The following RFTN1 variants were observed in gnomAD, a reference collection of about 807,000 sequenced individuals.
The protein encoded by RFTN1 is raftlin.
A neutral mutation model predicts 46.5 loss-of-function variants in RFTN1; 26 were observed. The observed-to-expected ratio is 0.56, with a 90% CI of 0.41 to 0.78. The LOEUF is 0.78. RFTN1 is among the 30% of genes least tolerant of loss of function. The pLI is 0.00. For synonymous variants in RFTN1, 261 were observed against 284.2 expected, an observed-to-expected ratio of 0.92 and a Z score of 0.82; for missense variants, 693 against 718.7, an observed-to-expected ratio of 0.96 and a Z score of 0.41.
chr3:16,333,231 C>T (rs1437086269), intron 7 of RFTN1, among the ~76,000 whole-genome samples: 1 of 152,194 alleles, frequency 6.6e-6, no homozygotes, highest in Non-Finnish European at 1.5e-5. Flanking sequence ...AAAAATGTGG[C>T]ACTATGTGTA....
At position 16,510,335 on chromosome 3, in the gene RFTN1, G is replaced by A. The variant is rs188566983; in HGVS notation, c.-9+3107C>T. Among the ~76,000 whole-genome samples the A allele has an allele frequency of 6.8e-3, 1,035 of 152,342 alleles. 11 individuals carry two copies. The highest frequency in any genetic ancestry group is 0.011 in the Non-Finnish European group (733 of 68,030). On this transcript the variant is annotated intron_variant, in intron 1 of 9. Transcript: ENST00000334133. ...CCGGGAGTTTCTAGGCAGAAGCTTA[G>A]TAAAATTCTGTGGGGCTTGGGGTTA...
Position 16,473,402 on chromosome 3 carries a change from C to CTTT in RFTN1, c.145+20320_145+20322dup, listed in dbSNP as rs5846924. Among the ~76,000 whole-genome samples, 6 of 144,784 alleles carry CTTT rather than the reference C, an allele frequency of 4.1e-5. No homozygotes were observed. Among genetic ancestry groups the CTTT allele is most frequent in the Admixed American group, 3.5e-4 (5 of 14,486 alleles). The allele number at this position is 144,784 out of a possible 152,430, so 95.0% of individuals were successfully genotyped here. A position where few individuals can be genotyped will look rare whatever the true frequency, so the allele number is the denominator to read the frequency against. On this transcript the variant is annotated intron_variant, in intron 2 of 9. Coordinates refer to ENST00000334133, the MANE Select transcript of RFTN1 (RefSeq NM_015150.2). The surrounding 1 kb of genome is among the most constrained non-coding windows in gnomAD (Gnocchi z 5.3). ...AAATACTCTGTTTTCTTTCTTTTTT[C>CTTT]TTTTTTTTTTTTTCCTGAGATAGAG... is the stretch of plus-strand genomic sequence containing the variant.
rs1219807821 is a variant in RFTN1 at position 16,321,171 on chromosome 3, G to T, written c.1332+2205C>A. 6.6e-6 allele frequency among the ~76,000 whole-genome samples: 1 copy of T among 152,186 alleles called. No homozygotes were observed. Among genetic ancestry groups the T allele is most frequent in the Non-Finnish European group, 1.5e-5 (1 of 68,030 alleles). ...GTTGGCCAGGTGGGCGAGGTATGGG[G>T]AGGGGGACAGTCATAGGTTTCCTCG... On this transcript the variant is annotated intron_variant, in intron 9 of 9. Transcript: ENST00000334133. The surrounding 1 kb of genome is among the most constrained non-coding windows in gnomAD (Gnocchi z 4.8).
chr3:16,370,262 G>C lies in RFTN1; in HGVS notation c.844C>G (p.Leu282Val), dbSNP rs757958387. The C allele has an allele frequency of 1.1e-5, 17 of 1,614,182 alleles. No individual in the cohort carries two copies. In the South Asian group the frequency reaches 1.9e-4, roughly 18 times the overall value. ...TGATGGCTCTTCGGTTTGTTGAAAA[G>C]GGTGAAGATCTCCATTTCTGTTGGG... ...PLSGKMEIFTLFNKPKSHQKC... is the reference protein window; with the variant it reads ...PLSGKMEIFTVFNKPKSHQKC... Residue 282 changes from leucine to valine, a missense_variant, in exon 6 of 10, where the codon CTT (leucine) becomes GTT (valine). Physicochemically the swap from Leu to Val is conservative, Grantham distance 32 (BLOSUM62 1). Transcript: ENST00000334133. This position sits in a 1 kb window ranked among gnomAD's most constrained non-coding sequence, Gnocchi z 5.5.
In RFTN1 at chr3:16,317,322, T is replaced by C; in HGVS notation, c.1333-90A>G. The stretch of plus-strand genomic sequence containing the variant: ...CTTGTTTGCATTCATACCCACACCA[T>C]GTCTGAGTGAGACATACAATTCCCA... On this transcript the variant is annotated intron_variant, in intron 9 of 9. Transcript: ENST00000334133. This position sits in a 1 kb window ranked among gnomAD's most constrained non-coding sequence, Gnocchi z 4.3. 7.4e-7 allele frequency: 1 copy of C among 1,351,238 alleles called. No homozygotes were observed. Among genetic ancestry groups the C allele is most frequent in the Admixed American group, 2.1e-5 (1 of 48,516 alleles). 83.7% of individuals were successfully genotyped at this position (1,351,238 alleles called of 1,614,324 possible).
In RFTN1 at chr3:16,397,236, A is replaced by G. The variant is rs1028230511; in HGVS notation, c.441+12139T>C. On this transcript the variant is annotated intron_variant, in intron 4 of 9. Transcript: ENST00000334133. Reference sequence around the variant, plus strand: ...CCTAGAGGACATTATGCTAAGTGAAATAAGGCAGACACGAAATGAAAAATA... The same window carrying G: ...CCTAGAGGACATTATGCTAAGTGAAGTAAGGCAGACACGAAATGAAAAATA... Among the ~76,000 whole-genome samples the G allele has an allele frequency of 5.9e-5, 9 of 152,190 alleles. No individual in the cohort carries two copies. In the East Asian group the frequency reaches 1.5e-3, roughly 26 times the overall value.
chr3:16,419,473 G>A (rs934364797), intron 3 of RFTN1, among the ~76,000 whole-genome samples: 2 of 152,158 alleles, frequency 1.3e-5, no homozygotes, highest in African/African-American at 4.8e-5. Context: ...TTTGTCGAAG[G>A]GAGTGGGTGG....
At chr3:16,396,200 T>A (rs2074464605) in intron 4 of RFTN1, among the ~76,000 whole-genome samples, 1 of 152,096 alleles carries the variant, frequency 6.6e-6, no homozygotes, top group African/African-American at 2.4e-5. Flanking sequence ...TTAACAGCTA[T>A]GGCAGAAAAA....
Position 16,316,464 on chromosome 3 carries a change from C to A in RFTN1, c.*364G>T. Reference sequence around the variant, plus strand: ...AGCCTTGGTTTGTAGCCCAGGGTGTCCATGGATTTGACCCGAATGCTCCCT... The same window carrying A: ...AGCCTTGGTTTGTAGCCCAGGGTGTACATGGATTTGACCCGAATGCTCCCT... On this transcript the variant is annotated 3_prime_UTR_variant, in exon 10 of 10. Transcript: ENST00000334133. The surrounding 1 kb of genome is among the most constrained non-coding windows in gnomAD (Gnocchi z 4.5). 1 of 304,754 alleles carries A rather than the reference C, an allele frequency of 3.3e-6. No homozygotes were observed. Among genetic ancestry groups the A allele is most frequent in the South Asian group, 3.2e-5 (1 of 31,460 alleles). The allele number at this position is 304,754 out of a possible 1,614,324, so 18.9% of individuals were successfully genotyped here.
At position 16,337,576 on chromosome 3, in the gene RFTN1, T is replaced by C. The variant is rs1188316808; in HGVS notation, c.1147-10700A>G. On this transcript the variant is annotated intron_variant, in intron 7 of 9. Transcript: ENST00000334133. The surrounding 1 kb of genome is among the most constrained non-coding windows in gnomAD (Gnocchi z 5.0). ...GGCCAACATGGTGAAACCTCGTCTCTACTAAAAATACAAAAATTAGCCAAG... is the reference window on the plus strand; with the variant it reads ...GGCCAACATGGTGAAACCTCGTCTCCACTAAAAATACAAAAATTAGCCAAG... Among the ~76,000 whole-genome samples, 1 of 151,720 alleles carries C rather than the reference T, an allele frequency of 6.6e-6. No individual in the cohort carries two copies. The highest frequency in any genetic ancestry group is 1.5e-5 in the Non-Finnish European group (1 of 67,960).
chr3:16,495,246 A>G (rs2076605487), intron 1 of RFTN1, among the ~76,000 whole-genome samples: 1 of 152,264 alleles, frequency 6.6e-6, no homozygotes, highest in Non-Finnish European at 1.5e-5. Context: ...GCTGATATGT[A>G]AAAGGCTGCA....
chr3:16,375,003 G>C (rs182762959), intron 5 of RFTN1, among the ~76,000 whole-genome samples: 15 of 152,162 alleles, frequency 9.9e-5, no homozygotes, highest in Non-Finnish European at 1.3e-4. Context: ...TCTCCCCAAG[G>C]CCTCCTATAA....
chr3:16,364,247 G>A (rs112207497), intron 6 of RFTN1, among the ~76,000 whole-genome samples: 1 of 152,330 alleles, frequency 6.6e-6, no homozygotes, highest in Non-Finnish European at 1.5e-5. Context: ...GAAGCACTCT[G>A]CCAGATGCAG....
intron 4 of RFTN1, among the ~76,000 whole-genome samples, chr3:16,393,078 AAAAT>A (rs369259397): frequency 1.3e-5 from 2 of 151,430 alleles, no homozygotes; most frequent in Non-Finnish European, 2.9e-5. Context: ...AAACAAACAA[AAAAT>A]GACAAGAAAC....
chr3:16,331,668 G>A (rs2125247032), intron 7 of RFTN1, among the ~76,000 whole-genome samples: 1 of 152,214 alleles, frequency 6.6e-6, no homozygotes, highest in Non-Finnish European at 1.5e-5. Flanking sequence ...TTCCCCACTG[G>A]AGACATCATT....
chr3:16,398,266 AAAAAAAAG>A (rs2074521137), intron 4 of RFTN1, among the ~76,000 whole-genome samples: 1 of 42,616 alleles, frequency 2.3e-5, no homozygotes, highest in Non-Finnish European at 4.1e-5. Context: ...AAAAAAAAAA[AAAAAAAAG>A]AAGCATCATG....
In RFTN1 at chr3:16,507,820, T is replaced by TAC. The variant is rs1376061163; in HGVS notation, c.-9+5620_-9+5621dup. 1.6e-5 allele frequency among the ~76,000 whole-genome samples: 2 copies of TAC among 123,726 alleles called. No homozygotes were observed. Among genetic ancestry groups the TAC allele is most frequent in the African/African-American group, 3.1e-5 (1 of 32,654 alleles). The allele number at this position is 123,726 out of a possible 152,430, so 81.2% of individuals were successfully genotyped here. A position where few individuals can be genotyped will look rare whatever the true frequency, so the allele number is the denominator to read the frequency against. On this transcript the variant is annotated intron_variant, in intron 1 of 9. Transcript: ENST00000334133. The surrounding 1 kb of genome is among the most constrained non-coding windows in gnomAD (Gnocchi z 7.1). ...ACACACACAAACGCACATACATACA[T>TAC]ACATACACACACACACACATACACA... is the stretch of plus-strand genomic sequence containing the variant.
At chr3:16,364,474 C>G (rs11916780) in intron 6 of RFTN1, among the ~76,000 whole-genome samples, 1 of 151,946 alleles carries the variant, frequency 6.6e-6, no homozygotes, top group South Asian at 2.1e-4. Flanking sequence ...TTTGAGGCAC[C>G]GGGGGTAGGT....
At chr3:16,434,258 T>C (rs985774957) in intron 2 of RFTN1, among the ~76,000 whole-genome samples, 1 of 152,154 alleles carries the variant, frequency 6.6e-6, no homozygotes. Flanking sequence ...GCGTGATGGC[T>C]CAGGCCTATA....
Sources: gnomAD v4.1 joint callset for allele counts (sites outside exome capture counted in the v4.1 genomes callset) on GRCh38, gnomAD v4.1.1 for gene constraint, Gnocchi (gnomAD v3.1) non-coding constraint, MANE v1.5 for transcripts, NCBI Gene and HGNC (gene_info 2026-07-23, HGNC 2026-07-21) for gene names.